Variants in IRAK1BP1 observed in about 807,000 individuals in gnomAD.
IRAK1BP1 encodes interleukin-1 receptor-associated kinase 1-binding protein 1.
A neutral mutation model predicts 28.0 loss-of-function variants in IRAK1BP1; 24 were observed. The ratio of observed to expected loss-of-function variants is 0.86; its 90% CI spans 0.62 to 1.20. The LOEUF is 1.20. IRAK1BP1 is among the 50% of genes most tolerant of loss of function. The pLI is 0.00. For missense variants in IRAK1BP1, 336 were observed against 316.7 expected (o/e 1.06, Z -0.46); for synonymous variants, 131 against 116.3 (o/e 1.13, Z -0.81).
At chr6:78,903,562 A>C (rs917499593), downstream of IRAK1BP1, among the ~76,000 whole-genome samples, 1 of 152,056 alleles carries the variant, frequency 6.6e-6, no homozygotes, top group Non-Finnish European at 1.5e-5. Flanking sequence ...TGAACCAAAA[A>C]CTAAAAATAA....
downstream of IRAK1BP1, among the ~76,000 whole-genome samples, chr6:78,949,969 G>A (rs756400130): frequency 3.3e-5 from 5 of 152,140 alleles, no homozygotes; most frequent in Admixed American, 1.3e-4. Flanking sequence ...GATTACAGGT[G>A]TGAGCCACCA....
At chr6:78,915,640 A>G (rs577198492) in intron 4 of IRAK1BP1, among the ~76,000 whole-genome samples, 6 of 152,282 alleles carry the variant, frequency 3.9e-5, no homozygotes, top group African/African-American at 1.4e-4. Context: ...AGCCTTGCCA[A>G]ACCTTCCTTA....
At chr6:78,970,940 A>G in the IRAK1BP1 span, 2 of 1,206,848 alleles carry the variant, frequency 1.7e-6, no homozygotes, top group African/African-American at 1.5e-5. Context: ...CTTTAATCCA[A>G]TATACAGGGT....
At chr6:78,939,778 C>T (rs1773397376) in intron 4 of IRAK1BP1, 1 of 152,326 alleles carries the variant, frequency 6.6e-6, no homozygotes, top group Non-Finnish European at 1.5e-5. Flanking sequence ...ACCACTTAAA[C>T]ATTTCCTCTA....
chr6:78,931,005 A>G (rs80084204), intron 4 of IRAK1BP1, among the ~76,000 whole-genome samples: 11,260 of 152,234 alleles, frequency 0.074, 515 homozygotes, highest in African/African-American at 0.13. Flanking sequence ...ATTCTCAGGT[A>G]TGCAACATCC....
chr6:78,978,471 A>G, the IRAK1BP1 span: 1 of 626,798 alleles, frequency 1.6e-6, no homozygotes. Context: ...ATAGATACAA[A>G]TATCTAGAAT....
chr6:78,954,938 C>T, the IRAK1BP1 span: 13 of 1,571,032 alleles, frequency 8.3e-6, no homozygotes, highest in African/African-American at 2.8e-5. Context: ...GGCTCTATTA[C>T]GTAATCTTCT....
At chr6:78,963,187 A>G in the IRAK1BP1 span, 1 of 1,611,438 alleles carries the variant, frequency 6.2e-7, no homozygotes, top group South Asian at 1.1e-5. Context: ...AGAGGTTTAT[A>G]GATTAGTGAT....
Position 78,927,840 on chromosome 6 carries a change from C to T in IRAK1BP1, c.*68-17568C>T, listed in dbSNP as rs144344625. ...TGCACGTTTGTCAAAAATGAGTTCA[C>T]TGTACGTGTGTGGATTTGTTTCTGG... On this transcript the variant is annotated intron_variant and NMD_transcript_variant, in intron 4 of 4. Coordinates refer to the IRAK1BP1 transcript ENST00000606868. Among the ~76,000 whole-genome samples, 963 of 152,154 alleles carry T rather than the reference C, an allele frequency of 6.3e-3. 19 individuals carry two copies. The highest frequency in any genetic ancestry group is 0.022 in the African/African-American group (907 of 41,554).
intron 2 of IRAK1BP1, 108 bp from the exon 3 acceptor site, chr6:78,897,721 C>T (rs755958563): frequency 9.7e-6 from 8 of 822,108 alleles, no homozygotes; most frequent in Non-Finnish European, 1.3e-5. Context: ...CTGTTACATA[C>T]TATAAAATGA....
At chr6:78,887,999 C>T (rs1306130407) in intron 2 of IRAK1BP1, among the ~76,000 whole-genome samples, 2 of 145,306 alleles carry the variant, frequency 1.4e-5, no homozygotes, top group Non-Finnish European at 3.0e-5. Flanking sequence ...GTGTTATATA[C>T]ATACAATGAA....
chr6:78,879,716 A>G (rs1046910054), intron 1 of IRAK1BP1, among the ~76,000 whole-genome samples: 1 of 152,094 alleles, frequency 6.6e-6, no homozygotes, highest in Admixed American at 6.6e-5. Context: ...ACTTATGTAG[A>G]GAAAAGACAA....
At chr6:78,975,323 A>G in the IRAK1BP1 span, among the ~76,000 whole-genome samples, 3 of 152,290 alleles carry the variant, frequency 2.0e-5, no homozygotes, top group East Asian at 5.8e-4. Context: ...AAAATCAACA[A>G]CCTTTCATGC....
the IRAK1BP1 span, among the ~76,000 whole-genome samples, chr6:78,961,523 G>C: frequency 6.6e-6 from 1 of 151,968 alleles, no homozygotes; most frequent in African/African-American, 2.4e-5. Context: ...CAGAATCTCA[G>C]GTCCCACTCC....
chr6:78,950,800 A>G (rs898973110), downstream of IRAK1BP1, among the ~76,000 whole-genome samples: 5 of 150,018 alleles, frequency 3.3e-5, no homozygotes, highest in Admixed American at 3.3e-4. Context: ...CCAGCTTTCA[A>G]TTTCATAGAT....
chr6:78,872,356 A>T (rs1770823045), intron 1 of IRAK1BP1, among the ~76,000 whole-genome samples: 1 of 152,196 alleles, frequency 6.6e-6, no homozygotes, highest in South Asian at 2.1e-4. Flanking sequence ...TTAAGATAAG[A>T]AGTAGTGGCA....
At chr6:78,966,147 G>A in the IRAK1BP1 span, 12 of 765,274 alleles carry the variant, frequency 1.6e-5, no homozygotes, top group Non-Finnish European at 2.3e-6. Flanking sequence ...TACCTAAACT[G>A]CCTGTATGAT....
chr6:78,934,057 T>G (rs1261728403), intron 4 of IRAK1BP1, among the ~76,000 whole-genome samples: 1 of 152,128 alleles, frequency 6.6e-6, no homozygotes, highest in African/African-American at 2.4e-5. Context: ...GAGGCCACGG[T>G]AGGGTAACTA....
chr6:78,871,552 C>T (rs140863630), intron 1 of IRAK1BP1: 1 of 983,278 alleles, frequency 1.0e-6, no homozygotes, highest in African/African-American at 1.7e-5. Flanking sequence ...ATAGTTCTTG[C>T]AATGGACTAA....
Sources: allele counts gnomAD v4.1 joint callset (sites outside exome capture counted in the v4.1 genomes callset), GRCh38; gene constraint gnomAD v4.1.1; transcripts MANE v1.5; gene names NCBI Gene and HGNC (gene_info 2026-07-23, HGNC 2026-07-21).